Variants in CTNNA2 observed in about 807,000 individuals in gnomAD.
CTNNA2 encodes the protein catenin alpha 2.
CTNNA2 carries 42 observed loss-of-function variants against 101.0 expected under a neutral mutation model. The ratio of observed to expected loss-of-function variants is 0.42; its 90% CI spans 0.32 to 0.54. The LOEUF is 0.54. CTNNA2 is among the 20% of genes least tolerant of loss of function. The pLI, the probability that CTNNA2 is intolerant of heterozygous loss-of-function variation, is 0.14. For synonymous variants in CTNNA2, 450 were observed against 456.4 expected (o/e 0.99, Z 0.18); for missense variants, 871 against 1,223.1 (o/e 0.71, Z 4.29).
chr2:80,505,976 CT>C (rs1468809931), intron 9 of CTNNA2, among the ~76,000 whole-genome samples: 1 of 152,146 alleles, frequency 6.6e-6, no homozygotes, highest in East Asian at 1.9e-4. Flanking sequence ...ATTTATAGTT[CT>C]GTTTAGTTTT....
intron 7 of CTNNA2, among the ~76,000 whole-genome samples, chr2:80,031,689 A>G (rs1039361036): frequency 1.3e-5 from 2 of 152,218 alleles, no homozygotes; most frequent in Non-Finnish European, 2.9e-5. Flanking sequence ...TTTATTTTAT[A>G]AATTTCTATG....
intron 3 of CTNNA2, among the ~76,000 whole-genome samples, chr2:79,751,420 C>T (rs183650091): frequency 1.3e-5 from 2 of 151,556 alleles, no homozygotes; most frequent in Non-Finnish European, 2.9e-5. Flanking sequence ...ATAGTGAAAC[C>T]CCGTCTCTAC....
intron 15 of CTNNA2, among the ~76,000 whole-genome samples, chr2:80,603,255 A>T (rs569919603): frequency 1.3e-5 from 2 of 152,264 alleles, no homozygotes; most frequent in African/African-American, 4.8e-5. Flanking sequence ...TATTTTGTTT[A>T]AAGATTTATG....
At chr2:79,918,090 G>A (rs977726517) in intron 7 of CTNNA2, among the ~76,000 whole-genome samples, 11 of 145,724 alleles carry the variant, frequency 7.5e-5, no homozygotes, top group Non-Finnish European at 1.2e-4. Flanking sequence ...CCTTCATTGC[G>A]GTGAAAAAAC....
intron 4 of CTNNA2, among the ~76,000 whole-genome samples, chr2:79,398,343 A>G (rs943757656): frequency 1.3e-5 from 2 of 152,130 alleles, no homozygotes; most frequent in Admixed American, 6.6e-5. Flanking sequence ...CCTACCATAT[A>G]AAGCATGATT....
intron 7 of CTNNA2, among the ~76,000 whole-genome samples, chr2:80,200,087 G>A (rs1223075364): frequency 6.6e-6 from 1 of 152,212 alleles, no homozygotes; most frequent in African/African-American, 2.4e-5. Flanking sequence ...CTACCCAACT[G>A]TTTGGGAGAG....
chr2:79,541,427 C>T (rs12185645), intron 1 of CTNNA2, among the ~76,000 whole-genome samples: 10 of 142,810 alleles, frequency 7.0e-5, no homozygotes, highest in East Asian at 4.2e-4. Flanking sequence ...CGCACACACA[C>T]ATATATATAT....
chr2:79,254,596 A>G (rs1333141645), intron 2 of CTNNA2, among the ~76,000 whole-genome samples: 1 of 152,162 alleles, frequency 6.6e-6, no homozygotes, highest in Non-Finnish European at 1.5e-5. Flanking sequence ...CAGAACTGTG[A>G]GTCGATTAAA....
At position 79,411,130 on chromosome 2, in the gene CTNNA2, TGG is replaced by T. The variant is rs1220626574; in HGVS notation, c.-135+37119_-135+37120del. On this transcript the variant is annotated intron_variant, in intron 4 of 21. Coordinates refer to the CTNNA2 transcript ENST00000466387. ...TCTCAGATGGTAGTTTGTATTTCTG[TGG>T]GATCGGTGGTGATATCCCCTTTATC... Among the ~76,000 whole-genome samples the T allele has an allele frequency of 4.6e-5, 7 of 152,288 alleles. No individual in the cohort carries two copies. The East Asian group carries it at 1.4e-3, about 30-fold the overall frequency.
intron 7 of CTNNA2, among the ~76,000 whole-genome samples, chr2:80,009,040 G>A (rs1462242926): frequency 6.6e-6 from 1 of 152,210 alleles, no homozygotes; most frequent in Non-Finnish European, 1.5e-5. Flanking sequence ...CTATGGCATT[G>A]GAGAAGGCAT....
At chr2:80,215,160 A>C (rs1324848437) in intron 7 of CTNNA2, among the ~76,000 whole-genome samples, 3 of 152,030 alleles carry the variant, frequency 2.0e-5, no homozygotes, top group Non-Finnish European at 4.4e-5. Context: ...CCATTTGTCT[A>C]GTCTTTTTTT....
chr2:79,351,717 A>G (rs1311601465), intron 3 of CTNNA2, among the ~76,000 whole-genome samples: 2 of 152,156 alleles, frequency 1.3e-5, no homozygotes, highest in Non-Finnish European at 1.5e-5. Flanking sequence ...TAGTTCACTT[A>G]TGATAATGTT....
chr2:79,966,423 A>T (rs540880940), intron 7 of CTNNA2, among the ~76,000 whole-genome samples: 1 of 152,040 alleles, frequency 6.6e-6, no homozygotes. Context: ...TTTTGTAGAG[A>T]TAAAGTCTTT....
chr2:79,340,833 C>CAAAAAAAAAAAAAAAAAAAAAAAA (rs56276462), intron 3 of CTNNA2, among the ~76,000 whole-genome samples: 5 of 32,532 alleles, frequency 1.5e-4, no homozygotes, highest in Non-Finnish European at 2.1e-4. Flanking sequence ...GACTCAGTCT[C>CAAAAAAAAAAAAAAAAAAAAAAAA]AAAAAAAAAA....
chr2:80,611,840 T>C (rs1019044245), intron 17 of CTNNA2, among the ~76,000 whole-genome samples: 3 of 151,618 alleles, frequency 2.0e-5, no homozygotes, highest in Non-Finnish European at 4.4e-5. Flanking sequence ...AGCTTCATTA[T>C]AACAATGAAG....
rs77629288 is a variant in CTNNA2, at chr2:79,557,662, A to C, written c.-6+44455A>C. ...TAGATTTGGCTGGCTTTCTTCTTTC[A>C]AAATGATGACTCTGCTTATGGTGGC... is the stretch of plus-strand genomic sequence containing the variant. On this transcript the variant is annotated intron_variant, in intron 1 of 18. Coordinates refer to ENST00000402739, the MANE Select transcript of CTNNA2 (RefSeq NM_001282597.3). Among the ~76,000 whole-genome samples, 1,203 of 152,036 alleles carry C rather than the reference A, an allele frequency of 7.9e-3. 70 individuals carry two copies. In the East Asian group the frequency reaches 0.14, roughly 17 times the overall value.
intron 8 of CTNNA2, among the ~76,000 whole-genome samples, chr2:80,411,522 T>G (rs1679572839): frequency 1.3e-5 from 2 of 152,142 alleles, no homozygotes. Flanking sequence ...GAGGGGAGCT[T>G]TCAGAATCCC....
At chr2:79,245,193 A>G (rs987496167) in intron 2 of CTNNA2, among the ~76,000 whole-genome samples, 24 of 151,434 alleles carry the variant, frequency 1.6e-4, no homozygotes, top group South Asian at 4.2e-4. Flanking sequence ...GCTCACGCCT[A>G]TAATCTCAGC....
chr2:79,930,272 AAGAAAGAGAGAG>A (rs1687308829), intron 7 of CTNNA2, among the ~76,000 whole-genome samples: 2 of 9,016 alleles, frequency 2.2e-4, no homozygotes, highest in Admixed American at 1.2e-3. Context: ...GAAAGAAAGA[AAGAAAGAGAGAG>A]AGAGAGAAAG....
Sources: gnomAD v4.1 joint callset for allele counts (sites outside exome capture counted in the v4.1 genomes callset) on GRCh38, gnomAD v4.1.1 for gene constraint, MANE v1.5 for transcripts, NCBI Gene and HGNC (gene_info 2026-07-23, HGNC 2026-07-21) for gene names.